ATF1: variants seen among roughly 807,000 people sequenced by gnomAD.
The protein encoded by ATF1 is cyclic AMP-dependent transcription factor ATF-1.
In ATF1, 16 loss-of-function variants were observed where a neutral mutation model predicts 34.7. That is an observed-to-expected ratio of 0.46 (90% CI 0.31 to 0.70). The LOEUF (loss-of-function observed/expected upper bound fraction) is 0.70, where lower values mean the gene tolerates loss of function less well. ATF1 is among the 30% of genes least tolerant of loss of function. ATF1 has a pLI of 0.05. For missense variants in ATF1, 255 were observed against 321.6 expected, an observed-to-expected ratio of 0.79 and a Z score of 1.58; for synonymous variants, 105 against 113.1, an observed-to-expected ratio of 0.93 and a Z score of 0.46.
At chr12:50,790,711 T>C (rs1184931127) in intron 2 of ATF1, among the ~76,000 whole-genome samples, 1 of 151,858 alleles carries the variant, frequency 6.6e-6, no homozygotes, top group African/African-American at 2.4e-5. Flanking sequence ...ATAAGATGTT[T>C]GGGGGAGGGA....
At chr12:50,803,015 C>T (rs1443900444) in intron 3 of ATF1, among the ~76,000 whole-genome samples, 1 of 151,222 alleles carries the variant, frequency 6.6e-6, no homozygotes, top group Non-Finnish European at 1.5e-5. Flanking sequence ...AATCCCAGCA[C>T]TTTGGGAGGC....
intron 1 of ATF1, among the ~76,000 whole-genome samples, chr12:50,770,503 A>G (rs563757385): frequency 9.2e-5 from 14 of 152,342 alleles, no homozygotes; most frequent in African/African-American, 3.1e-4. Flanking sequence ...AACCCATGTC[A>G]GGGCTTGGCT....
In ATF1 at chr12:50,780,744, C is replaced by G. The variant is rs368984882; in HGVS notation, c.93+506C>G. Reference sequence around the variant, plus strand: ...TTGGGAAGTCAGGGCGGGCGGATCACGAGGTCAAGAGTTCAAGACTAGCCT... The same window carrying G: ...TTGGGAAGTCAGGGCGGGCGGATCAGGAGGTCAAGAGTTCAAGACTAGCCT... On this transcript the variant is annotated intron_variant, in intron 2 of 6. Transcript: ENST00000262053. 5.9e-5 allele frequency among the ~76,000 whole-genome samples: 9 copies of G among 151,840 alleles called. No individual in the cohort carries two copies. In the East Asian group the frequency reaches 1.2e-3, roughly 20 times the overall value.
intron 3 of ATF1, among the ~76,000 whole-genome samples, chr12:50,803,138 G>A (rs998624699): frequency 6.0e-5 from 9 of 151,244 alleles, no homozygotes; most frequent in African/African-American, 1.9e-4. Flanking sequence ...GCATGGTGGC[G>A]GGCACTTGTA....
intron 4 of ATF1, among the ~76,000 whole-genome samples, chr12:50,812,793 C>G (rs1045239828): frequency 2.6e-5 from 4 of 152,048 alleles, no homozygotes; most frequent in African/African-American, 9.7e-5. Flanking sequence ...CCACTGCACT[C>G]CAGCCTGGGT....
At position 50,820,523 on chromosome 12, in the gene ATF1, CATA is replaced by C. The variant is rs1941929767; in HGVS notation, c.*749_*751del. The C allele has an allele frequency of 5.6e-6, 1 of 179,820 alleles. No individual in the cohort carries two copies. Among genetic ancestry groups the C allele is most frequent in the Non-Finnish European group, 1.2e-5 (1 of 83,712 alleles). 11.1% of individuals were successfully genotyped at this position (179,820 alleles called of 1,614,324 possible). A position where few individuals can be genotyped will look rare whatever the true frequency, so the allele number is the denominator to read the frequency against. ...CTCTGGTAATGATTTTCTACAAATA[CATA>C]ATAAATTGTTTTTTTGAGTCTATAT... On this transcript the variant is annotated 3_prime_UTR_variant, in exon 7 of 7. Transcript: ENST00000262053.
In ATF1 at chr12:50,780,253, G is replaced by T; in HGVS notation, c.93+15G>T. ...TTGCTCAACAGGTAAGGGAGGGACT[G>T]GCCAAAATACTGAGCTTGTTAGGAA... On this transcript the variant is annotated intron_variant, in intron 2 of 6. Coordinates refer to ENST00000262053, the MANE Select transcript of ATF1 (RefSeq NM_005171.5). 1 of 1,562,752 alleles carries T rather than the reference G, an allele frequency of 6.4e-7. No homozygotes were observed. Among genetic ancestry groups the T allele is most frequent in the South Asian group, 1.1e-5 (1 of 88,818 alleles).
chr12:50,779,966 G>GTTTAAAATAATT, intron 1 of ATF1, among the ~76,000 whole-genome samples, 174 bp from the exon 2 acceptor site: 1 of 151,984 alleles, frequency 6.6e-6, no homozygotes, highest in Non-Finnish European at 1.5e-5. Context: ...GTTTTTGTGG[G>GTTTAAAATAATT]CCAAAATTCA....
intron 3 of ATF1, among the ~76,000 whole-genome samples, chr12:50,802,871 C>CAAAAAAAAA (rs71443203): frequency 2.1e-5 from 1 of 46,910 alleles, no homozygotes; most frequent in Admixed American, 3.7e-4. Context: ...GACTCCATCT[C>CAAAAAAAAA]AAAAAAAAAA....
At chr12:50,781,329 T>G (rs893388301) in intron 2 of ATF1, among the ~76,000 whole-genome samples, 4 of 152,214 alleles carry the variant, frequency 2.6e-5, no homozygotes, top group Non-Finnish European at 5.9e-5. Flanking sequence ...ATGTTCAGTA[T>G]AGAGAAATTT....
intron 6 of ATF1, among the ~76,000 whole-genome samples, chr12:50,815,463 G>A (rs1941824868): frequency 6.6e-6 from 1 of 151,938 alleles, no homozygotes; most frequent in Admixed American, 6.6e-5. Context: ...TTGGCTTACT[G>A]CAACCTCTGC....
intron 6 of ATF1, among the ~76,000 whole-genome samples, chr12:50,815,736 A>G (rs964282107): frequency 1.3e-5 from 2 of 152,160 alleles, no homozygotes; most frequent in Non-Finnish European, 2.9e-5. Context: ...GAAAACCAGT[A>G]TGGAGACTTC....
At position 50,811,180 on chromosome 12, in the gene ATF1, C is replaced by T. The variant is rs116383094; in HGVS notation, c.328+1591C>T. Among the ~76,000 whole-genome samples the T allele has an allele frequency of 5.9e-3, 899 of 152,288 alleles. 7 individuals carry two copies. The highest frequency in any genetic ancestry group is 0.021 in the African/African-American group (862 of 41,546). ...TGTGGCTACTCTGCTTAAGTGTCAC[C>T]TCCACAAAGAGACCACTCTCTTCAA... On this transcript the variant is annotated intron_variant, in intron 4 of 6. Transcript: ENST00000262053.
intron 1 of ATF1, among the ~76,000 whole-genome samples, chr12:50,774,622 A>G (rs181450294): frequency 6.6e-6 from 1 of 152,348 alleles, no homozygotes; most frequent in Admixed American, 6.5e-5. Context: ...TTTAGAAATA[A>G]TAGCTTTAAA....
At chr12:50,771,789 GCCAAAACCCA>G (rs1350348639) in intron 1 of ATF1, among the ~76,000 whole-genome samples, 1 of 152,102 alleles carries the variant, frequency 6.6e-6, no homozygotes, top group Non-Finnish European at 1.5e-5. Context: ...AAAGGAGCCG[GCCAAAACCCA>G]CCAAAACCAA....
chr12:50,805,586 TTTGTGATTCTTAACCCA>T (rs1254080985), intron 3 of ATF1, among the ~76,000 whole-genome samples: 1 of 151,164 alleles, frequency 6.6e-6, no homozygotes, highest in African/African-American at 2.4e-5. Context: ...AAAAAAACCT[TTTGTGATTCTTAACCCA>T]TTGTGACCAA....
At chr12:50,797,707 G>C (rs1167652987) in intron 3 of ATF1, among the ~76,000 whole-genome samples, 1 of 152,088 alleles carries the variant, frequency 6.6e-6, no homozygotes, top group Non-Finnish European at 1.5e-5. Context: ...TTGGGCTCAA[G>C]TGATCCTCCC....
At position 50,783,061 on chromosome 12, in the gene ATF1, C is replaced by T. The variant is rs1406980337; in HGVS notation, c.93+2823C>T. On this transcript the variant is annotated intron_variant, in intron 2 of 6. Transcript: ENST00000262053. ...AAATGTAAAACAATGCCATTTCTCTCACTAATTTTTTTTGAAAATGTATTA... is the reference window on the plus strand; with the variant it reads ...AAATGTAAAACAATGCCATTTCTCTTACTAATTTTTTTTGAAAATGTATTA... 2.1e-5 allele frequency among the ~76,000 whole-genome samples: 3 copies of T among 143,892 alleles called. No homozygotes were observed. The East Asian group carries it at 5.8e-4, about 28-fold the overall frequency. The allele number at this position is 143,892 out of a possible 152,430, so 94.4% of individuals were successfully genotyped here. A position where few individuals can be genotyped will look rare whatever the true frequency, so the allele number is the denominator to read the frequency against.
rs1941937787 is a variant in ATF1 at position 50,820,943 on chromosome 12, T to G, written c.*1164T>G. 1 of 180,226 alleles carries G rather than the reference T, an allele frequency of 5.5e-6. No homozygotes were observed. Among genetic ancestry groups the G allele is most frequent in the Non-Finnish European group, 1.2e-5 (1 of 84,050 alleles). The allele number at this position is 180,226 out of a possible 1,614,324, so 11.2% of individuals were successfully genotyped here. On this transcript the variant is annotated 3_prime_UTR_variant, in exon 7 of 7. Transcript: ENST00000262053. ...TGGGACGTTTTCAGATTGGCTAATA[T>G]TTGCATTGTAAATTTTGTATGCAGT...
Sources: gnomAD v4.1 joint callset for allele counts (sites outside exome capture counted in the v4.1 genomes callset) on GRCh38, gnomAD v4.1.1 for gene constraint, MANE v1.5 for transcripts, NCBI Gene and HGNC (gene_info 2026-07-23, HGNC 2026-07-21) for gene names.